Variants in PHKB observed in about 807,000 individuals in gnomAD.
PHKB encodes the protein phosphorylase b kinase regulatory subunit beta.
A neutral mutation model predicts 152.1 loss-of-function variants in PHKB; 122 were observed. The observed-to-expected ratio is 0.80, with a 90% CI of 0.69 to 0.93. PHKB has a LOEUF of 0.93. PHKB is among the 40% of genes least tolerant of loss of function. The pLI is 0.00. For missense variants in PHKB, 1,304 were observed against 1,328.4 expected (o/e 0.98, Z 0.29); for synonymous variants, 436 against 464.9 (o/e 0.94, Z 0.80).
chr16:47,655,249 A>G (rs895533379), intron 20 of PHKB, among the ~76,000 whole-genome samples: 5 of 152,212 alleles, frequency 3.3e-5, no homozygotes, highest in African/African-American at 1.2e-4. Flanking sequence ...TTTGGGAAAA[A>G]TTAAGGCAGT....
intron 19 of PHKB, 82 bp downstream of exon 19, chr16:47,650,708 T>A (rs1973221613): frequency 8.0e-7 from 1 of 1,248,272 alleles, no homozygotes; most frequent in African/African-American, 1.5e-5. Context: ...CCTCCTTGGA[T>A]GTTTTTGTAT....
At chr16:47,500,543 C>T (rs1970307527) in intron 3 of PHKB, among the ~76,000 whole-genome samples, 1 of 151,832 alleles carries the variant, frequency 6.6e-6, no homozygotes, top group South Asian at 2.1e-4. Context: ...AATTAGAACC[C>T]CAAGTACTTA....
rs375856403 is a variant in PHKB at position 47,699,498 on chromosome 16, G to C, written c.*132G>C. The C allele has an allele frequency of 9.9e-7, 1 of 1,007,666 alleles. No individual in the cohort carries two copies. Among genetic ancestry groups the C allele is most frequent in the Non-Finnish European group, 1.6e-6 (1 of 630,364 alleles). The allele number at this position is 1,007,666 out of a possible 1,614,324, so 62.4% of individuals were successfully genotyped here. ...GGGAGGTGAATGCCACATCCTTGGC[G>C]GGGTTATGGACCTCTTGCATGTCAT... On this transcript the variant is annotated 3_prime_UTR_variant, in exon 31 of 31. Transcript: ENST00000323584.
chr16:47,654,060 C>G (rs1320331923), intron 20 of PHKB, among the ~76,000 whole-genome samples: 1 of 152,182 alleles, frequency 6.6e-6, no homozygotes, highest in Non-Finnish European at 1.5e-5. Flanking sequence ...TCCAGAACCT[C>G]AAAGTATTTC....
rs754666600 is a variant in PHKB at position 47,649,089 on chromosome 16, T to A, written c.1693-11T>A. ...CTTTAGTTATTTGTTTTAAAACTTTTTCCCTTACAGATTTATCGCATTCTA... is the reference window on the plus strand; with the variant it reads ...CTTTAGTTATTTGTTTTAAAACTTTATCCCTTACAGATTTATCGCATTCTA... On this transcript the variant is annotated splice_polypyrimidine_tract_variant and intron_variant, in intron 17 of 30. Coordinates refer to ENST00000323584, the MANE Select transcript of PHKB (RefSeq NM_000293.3). The A allele has an allele frequency of 6.8e-7, 1 of 1,480,794 alleles. No individual in the cohort carries two copies. Among genetic ancestry groups the A allele is most frequent in the East Asian group, 2.3e-5 (1 of 44,216 alleles). The allele number at this position is 1,480,794 out of a possible 1,614,324, so 91.7% of individuals were successfully genotyped here. A position where few individuals can be genotyped will look rare whatever the true frequency, so the allele number is the denominator to read the frequency against.
intron 6 of PHKB, among the ~76,000 whole-genome samples, chr16:47,545,726 C>T (rs531687764): frequency 3.1e-4 from 47 of 152,202 alleles, no homozygotes; most frequent in Non-Finnish European, 3.2e-4. Context: ...TTCAGGTACA[C>T]GAATCAAACG....
At chr16:47,650,321 A>AAG (rs1445434666) in intron 18 of PHKB, among the ~76,000 whole-genome samples, 4 of 152,238 alleles carry the variant, frequency 2.6e-5, no homozygotes, top group Non-Finnish European at 4.4e-5. Context: ...TTTTAAGAAT[A>AAG]AAGTTTGAAA....
Position 47,699,350 on chromosome 16 carries a change from C to G in PHKB, c.3266C>G (p.Pro1089Arg), listed in dbSNP as rs763764574. 2.0e-5 allele frequency: 33 copies of G among 1,614,016 alleles called. No individual in the cohort carries two copies. The highest frequency in any genetic ancestry group is 3.3e-4 in the Middle Eastern group (2 of 6,084). The change falls in exon 31 of 31, where the codon CCG becomes CGG. Residue 1089 changes from proline to arginine, a missense_variant. Pro to Arg is a moderately radical substitution (Grantham distance 103). Coordinates refer to ENST00000323584, the MANE Select transcript of PHKB (RefSeq NM_000293.3). ...GAAGTCAAGCCAAACAATGATGACC[C>G]GTGTCTGATTAGCTAGTGGGGAAGG... ...EGEVKPNNDD[P>R]CLIS
chr16:47,650,859 A>G lies in PHKB; in HGVS notation c.1909A>G (p.Met637Val). The G allele has an allele frequency of 6.2e-7, 1 of 1,613,642 alleles. No individual in the cohort carries two copies. The highest frequency in any genetic ancestry group is 8.5e-7 in the Non-Finnish European group (1 of 1,179,600). ...RGSRFNPILDMLAALKKGIIG... is the reference protein window; with the variant it reads ...RGSRFNPILDVLAALKKGIIG... ...TAGCCGGTTCAACCCCATATTAGAT[A>G]TGCTGGCAGCCCTTAAAAAAGGAAT... Residue 637 changes from methionine to valine, a missense_variant, in exon 20 of 31, where the codon ATG becomes GTG. Transcript: ENST00000323584.
At chr16:47,491,737 A>G (rs1970153680) in intron 1 of PHKB, among the ~76,000 whole-genome samples, 2 of 152,224 alleles carry the variant, frequency 1.3e-5, no homozygotes, top group South Asian at 4.1e-4. Context: ...ATGCCAGATA[A>G]CACAATGCAA....
intron 7 of PHKB, among the ~76,000 whole-genome samples, chr16:47,557,304 A>G (rs1355861100): frequency 6.6e-6 from 1 of 152,228 alleles, no homozygotes; most frequent in East Asian, 1.9e-4. Flanking sequence ...AGGCATTACC[A>G]TTCAGGACAT....
rs57329634 is a variant in PHKB, at chr16:47,580,558, TAAAAAAA to T, written c.774+211_774+217del. Among the ~76,000 whole-genome samples, 219 of 131,894 alleles carry T rather than the reference TAAAAAAA, an allele frequency of 1.7e-3. 2 individuals carry two copies. The highest frequency in any genetic ancestry group is 4.2e-3 in the Admixed American group (56 of 13,422). 86.5% of individuals were successfully genotyped at this position (131,894 alleles called of 152,430 possible). On this transcript the variant is annotated intron_variant, in intron 8 of 30. Coordinates refer to ENST00000323584, the MANE Select transcript of PHKB (RefSeq NM_000293.3). ...ACTAAAGACCATTGCTTAATTTCTT[TAAAAAAA>T]AAAAAAAAAAGAAAATTTTTTTTGA... is the stretch of plus-strand genomic sequence containing the variant.
chr16:47,678,825 T>C (rs963090180), intron 26 of PHKB, among the ~76,000 whole-genome samples: 8 of 152,204 alleles, frequency 5.3e-5, no homozygotes, highest in Non-Finnish European at 1.0e-4. Flanking sequence ...TTTTGGTGTT[T>C]TAGACATGCA....
At chr16:47,600,953 C>T (rs1051286869) in intron 13 of PHKB, among the ~76,000 whole-genome samples, 9 of 152,152 alleles carry the variant, frequency 5.9e-5, no homozygotes, top group Non-Finnish European at 1.2e-4. Context: ...CGACTAGCCT[C>T]GCTAGTAGAT....
chr16:47,524,516 C>G (rs1970734955), intron 6 of PHKB, among the ~76,000 whole-genome samples: 1 of 152,192 alleles, frequency 6.6e-6, no homozygotes, highest in African/African-American at 2.4e-5. Context: ...CGCCTGTAAT[C>G]CCAGCACTTT....
At chr16:47,612,338 C>T (rs1035520403) in intron 14 of PHKB, among the ~76,000 whole-genome samples, 3 of 152,040 alleles carry the variant, frequency 2.0e-5, no homozygotes, top group Non-Finnish European at 4.4e-5. Flanking sequence ...CAGACAGGAG[C>T]CAGAGAACAT....
At chr16:47,516,685 C>T (rs1970603558) in intron 6 of PHKB, among the ~76,000 whole-genome samples, 1 of 152,038 alleles carries the variant, frequency 6.6e-6, no homozygotes, top group Admixed American at 6.5e-5. Flanking sequence ...TAGCCCTGCC[C>T]TCTAGTAGTT....
In PHKB at chr16:47,552,832, C is replaced by CA. The variant is rs1555481714; in HGVS notation, c.710+5284_710+5285insA. On this transcript the variant is annotated intron_variant, in intron 7 of 30. Transcript: ENST00000323584. ...ACACACACACACACACACACACACA[C>CA]CAAAAAACAAAGAATGTTGAATATT... 2.0e-5 allele frequency among the ~76,000 whole-genome samples: 3 copies of CA among 149,944 alleles called. No homozygotes were observed. In the South Asian group the frequency reaches 6.3e-4, roughly 31 times the overall value.
chr16:47,667,187 C>T (rs1285253620), intron 25 of PHKB, among the ~76,000 whole-genome samples: 1 of 152,138 alleles, frequency 6.6e-6, no homozygotes, highest in Non-Finnish European at 1.5e-5. Flanking sequence ...AATCCAAACA[C>T]TTTGGGGGCC....
Sources: gnomAD v4.1 joint callset for allele counts (sites outside exome capture counted in the v4.1 genomes callset) on GRCh38, gnomAD v4.1.1 for gene constraint, MANE v1.5 for transcripts, NCBI Gene and HGNC (gene_info 2026-07-23, HGNC 2026-07-21) for gene names.